The following MCPH1 variants were observed in gnomAD, a reference collection of about 807,000 sequenced individuals.
The protein encoded by MCPH1 is microcephalin 1.
In MCPH1, 104 loss-of-function variants were observed where a neutral mutation model predicts 84.5. The observed-to-expected ratio is 1.23, with a 90% CI of 1.05 to 1.45. MCPH1 has a LOEUF of 1.45. MCPH1 is among the 40% of genes most tolerant of loss of function. MCPH1 has a pLI of 0.00. For missense variants in MCPH1, 1,498 were observed against 1,005.7 expected (o/e 1.49, Z -6.62); for synonymous variants, 514 against 366.8 (o/e 1.40, Z -4.58).
At chr8:6,511,831 A>G (rs1815174165) in intron 12 of MCPH1, among the ~76,000 whole-genome samples, 1 of 152,240 alleles carries the variant, frequency 6.6e-6, no homozygotes, top group Non-Finnish European at 1.5e-5. Context: ...ATGTCAGCGT[A>G]CAAGGGTAAT....
chr8:6,530,434 G>A (rs751467334), intron 12 of MCPH1, among the ~76,000 whole-genome samples: 76 of 150,482 alleles, frequency 5.1e-4, no homozygotes, highest in Non-Finnish European at 7.8e-4. Flanking sequence ...GCTTGAACCC[G>A]GGAGGTGGAG....
intron 8 of MCPH1, among the ~76,000 whole-genome samples, chr8:6,454,007 C>T (rs1392256328): frequency 6.6e-6 from 1 of 152,138 alleles, no homozygotes; most frequent in African/African-American, 2.4e-5. Flanking sequence ...ATTCTACATC[C>T]TTTTTCACTG....
chr8:6,435,927 C>T lies in MCPH1; in HGVS notation c.322-121C>T. ...AGTTCACATACAGTGCAAGAAACACCTCTTTTAGAATTTTTTATTACTGAT... is the reference window on the plus strand; with the variant it reads ...AGTTCACATACAGTGCAAGAAACACTTCTTTTAGAATTTTTTATTACTGAT... On this transcript the variant is annotated intron_variant, in intron 4 of 13. Transcript: ENST00000344683. 6 of 1,214,706 alleles carry T rather than the reference C, an allele frequency of 4.9e-6. No individual in the cohort carries two copies. The South Asian group carries it at 5.7e-5, about 12-fold the overall frequency. The allele number at this position is 1,214,706 out of a possible 1,614,324, so 75.2% of individuals were successfully genotyped here.
At chr8:6,443,093 T>C (rs1803755851) in intron 7 of MCPH1, among the ~76,000 whole-genome samples, 1 of 152,216 alleles carries the variant, frequency 6.6e-6, no homozygotes, top group Non-Finnish European at 1.5e-5. Flanking sequence ...TTCACTGTTA[T>C]CTCATTTATT....
chr8:6,580,022 G>T (rs922567538), intron 12 of MCPH1, among the ~76,000 whole-genome samples: 2 of 152,164 alleles, frequency 1.3e-5, no homozygotes, highest in African/African-American at 4.8e-5. Context: ...GTAGGGTCAG[G>T]TTCAAACTCC....
chr8:6,474,101 C>T lies in MCPH1; in HGVS notation c.1936-3493C>T, dbSNP rs891439888. On this transcript the variant is annotated intron_variant, in intron 9 of 13. Transcript: ENST00000344683. ...CAACACAAAAACTATGTGAAACCAG[C>T]GTTCAGGGAAGAAATCACAACCGTG... The T allele has an allele frequency of 4.0e-5, 31 of 770,398 alleles. 1 individual carries two copies. In the East Asian group the frequency reaches 4.2e-4, roughly 10 times the overall value. The allele number at this position is 770,398 out of a possible 1,614,324, so 47.7% of individuals were successfully genotyped here.
chr8:6,536,501 C>T (rs1413813813), intron 12 of MCPH1, among the ~76,000 whole-genome samples: 1 of 152,098 alleles, frequency 6.6e-6, no homozygotes, highest in Non-Finnish European at 1.5e-5. Flanking sequence ...ACCCACCCCT[C>T]AGTGGAGGGC....
chr8:6,477,266 T>C (rs1808594576), intron 9 of MCPH1: 1 of 296,216 alleles, frequency 3.4e-6, no homozygotes, highest in Non-Finnish European at 6.3e-6. Context: ...CTTCTTACCC[T>C]TTCTCACTTT....
chr8:6,431,493 A>G lies in MCPH1; in HGVS notation c.234-6A>G, dbSNP rs751132920. On this transcript the variant is annotated splice_region_variant and splice_polypyrimidine_tract_variant and intron_variant, in intron 3 of 13. Transcript: ENST00000344683. ...CTCATTAGACTACCTTAATTTAATTATACAGATGCAGGACAGCTGGAGCAC... is the reference window on the plus strand; with the variant it reads ...CTCATTAGACTACCTTAATTTAATTGTACAGATGCAGGACAGCTGGAGCAC... 4 of 1,609,652 alleles carry G rather than the reference A, an allele frequency of 2.5e-6. No homozygotes were observed. Among genetic ancestry groups the G allele is most frequent in the Non-Finnish European group, 3.4e-6 (4 of 1,176,150 alleles).
At chr8:6,487,150 TAA>T (rs1210266136) in intron 11 of MCPH1, among the ~76,000 whole-genome samples, 1 of 152,258 alleles carries the variant, frequency 6.6e-6, no homozygotes, top group Non-Finnish European at 1.5e-5. Flanking sequence ...AATTCACTTA[TAA>T]ATACAAGTGT....
chr8:6,406,766 G>A, intron 1 of MCPH1, 77 bp downstream of exon 1: 3 of 1,525,464 alleles, frequency 2.0e-6, no homozygotes, highest in African/African-American at 1.4e-5. Flanking sequence ...GCACTCGGGG[G>A]ATCCCGTGGG....
At chr8:6,508,257 C>G (rs1814185070) in intron 12 of MCPH1, 1 of 152,410 alleles carries the variant, frequency 6.6e-6, no homozygotes, top group African/African-American at 2.4e-5. Context: ...CGAGACCAGC[C>G]TGGCAAACAT....
chr8:6,420,205 C>A (rs146664975), intron 3 of MCPH1, among the ~76,000 whole-genome samples: 1 of 152,238 alleles, frequency 6.6e-6, no homozygotes, highest in African/African-American at 2.4e-5. Context: ...CCTGCCTGTC[C>A]TAGTCTTGCT....
chr8:6,445,399 A>G lies in MCPH1; in HGVS notation c.1677A>G (p.Lys559=), dbSNP rs886063058. The change falls in exon 8 of 14, where the codon AAA becomes AAG. Residue 559 remains lysine, a synonymous_variant. Coordinates refer to ENST00000344683, the MANE Select transcript of MCPH1 (RefSeq NM_024596.5). The stretch of plus-strand genomic sequence containing the variant: ...AAATGAAAGAAGCGGTTGGTCTGAA[A>G]AGCACACAGAACAAAGGTACCACTT... ...LEEMKEAVGL[K]STQNKGTTSK... The G allele has an allele frequency of 1.2e-6, 2 of 1,614,258 alleles. No homozygotes were observed. Among genetic ancestry groups the G allele is most frequent in the Non-Finnish European group, 8.5e-7 (1 of 1,180,042 alleles).
At chr8:6,573,089 T>G (rs1410810776) in intron 12 of MCPH1, among the ~76,000 whole-genome samples, 1 of 152,138 alleles carries the variant, frequency 6.6e-6, no homozygotes, top group Non-Finnish European at 1.5e-5. Context: ...TTAACAATAA[T>G]TGAGCCAAGA....
At chr8:6,475,392 T>G (rs938648172) in intron 9 of MCPH1, among the ~76,000 whole-genome samples, 12 of 152,242 alleles carry the variant, frequency 7.9e-5, no homozygotes, top group Admixed American at 5.2e-4. Context: ...GCAGACGCCC[T>G]TGTGGCTCTT....
At chr8:6,508,599 T>G (rs1355480032) in intron 12 of MCPH1, 1 of 459,128 alleles carries the variant, frequency 2.2e-6, no homozygotes, top group African/African-American at 2.0e-5. Context: ...ACTTTTTACA[T>G]AAAGCAAAAT....
At chr8:6,640,059 CGTGT>C (rs147642349) in intron 13 of MCPH1, among the ~76,000 whole-genome samples, 6,593 of 134,234 alleles carry the variant, frequency 0.049, 164 homozygotes, top group Middle Eastern at 0.086. Flanking sequence ...ATTTTAAACT[CGTGT>C]GTGTGTGTGT....
chr8:6,529,113 G>C (rs1209021680), intron 12 of MCPH1, among the ~76,000 whole-genome samples: 1 of 152,170 alleles, frequency 6.6e-6, no homozygotes, highest in African/African-American at 2.4e-5. Flanking sequence ...AGTCATGATT[G>C]GCCCAGTAGT....
Sources: allele counts gnomAD v4.1 joint callset (sites outside exome capture counted in the v4.1 genomes callset), GRCh38; gene constraint gnomAD v4.1.1; transcripts MANE v1.5; gene names NCBI Gene and HGNC (gene_info 2026-07-23, HGNC 2026-07-21).